LLGL2: variants seen among roughly 807,000 people sequenced by gnomAD.
LLGL2 encodes the protein LLGL2, scribble cell polarity complex component.
Under a neutral mutation model 123.2 loss-of-function variants are expected in LLGL2, and 81 were observed. The ratio of observed to expected loss-of-function variants is 0.66; its 90% CI spans 0.55 to 0.79. The LOEUF (loss-of-function observed/expected upper bound fraction) is 0.79. Ranked by LOEUF, LLGL2 falls within the 30% of genes least tolerant of loss-of-function variation. LLGL2 has a pLI of 0.00. For missense variants in LLGL2, 1,273 were observed against 1,414.6 expected (o/e 0.90, Z 1.61); for synonymous variants, 577 against 594.1 (o/e 0.97, Z 0.42).
At position 75,558,752 on chromosome 17, in the gene LLGL2, C is replaced by T; in HGVS notation, c.371+125C>T. On this transcript the variant is annotated intron_variant, in intron 5 of 25. Coordinates refer to ENST00000392550, the MANE Select transcript of LLGL2 (RefSeq NM_001031803.2). This position sits in a 1 kb window ranked among gnomAD's most constrained non-coding sequence, Gnocchi z 4.0. ...TGGCAGTGACTGGCATGCGTTTGGC[C>T]CGATGCATCGCCACACTCAGGTGCT... The T allele has an allele frequency of 1.3e-6, 1 of 755,360 alleles. No homozygotes were observed. Among genetic ancestry groups the T allele is most frequent in the Non-Finnish European group, 2.2e-6 (1 of 451,680 alleles). 46.8% of individuals were successfully genotyped at this position (755,360 alleles called of 1,614,324 possible). A position where few individuals can be genotyped will look rare whatever the true frequency, so the allele number is the denominator to read the frequency against.
chr17:75,575,158 G>A lies in LLGL2; in HGVS notation c.*280G>A. The A allele has an allele frequency of 1.8e-6, 1 of 568,754 alleles. No homozygotes were observed. The highest frequency in any genetic ancestry group is 3.1e-6 in the Non-Finnish European group (1 of 318,862). The allele number at this position is 568,754 out of a possible 1,614,324, so 35.2% of individuals were successfully genotyped here. On this transcript the variant is annotated 3_prime_UTR_variant, in exon 26 of 26. Coordinates refer to ENST00000392550, the MANE Select transcript of LLGL2 (RefSeq NM_001031803.2). ...GTGGGCTGGGTTTTAAGTTATAAAT[G>A]TTAACTGCCTCTGGGTGAAAAAGTT...
intron 1 of LLGL2, among the ~76,000 whole-genome samples, chr17:75,533,022 A>C (rs1052542485): frequency 5.3e-5 from 8 of 151,034 alleles, no homozygotes; most frequent in Non-Finnish European, 7.4e-5. Context: ...TCTTTTTTTG[A>C]GGAGTCTTGC....
In LLGL2 at chr17:75,558,858, C is replaced by A. The variant is rs1394129122; in HGVS notation, c.371+231C>A. ...CCATCCGCACCCCACCTCCTCCATC[C>A]GCACCCCGCCTCCTCCATCCGCACC... is the stretch of plus-strand genomic sequence containing the variant. On this transcript the variant is annotated intron_variant, in intron 5 of 25. Transcript: ENST00000392550. This position sits in a 1 kb window ranked among gnomAD's most constrained non-coding sequence, Gnocchi z 4.0. 1 of 270,592 alleles carries A rather than the reference C, an allele frequency of 3.7e-6. No individual in the cohort carries two copies. The highest frequency in any genetic ancestry group is 6.8e-6 in the Non-Finnish European group (1 of 147,652). The allele number at this position is 270,592 out of a possible 1,614,324, so 16.8% of individuals were successfully genotyped here.
intron 21 of LLGL2, 45 bp downstream of exon 21, chr17:75,573,676 C>G (rs1356710313): frequency 5.3e-6 from 8 of 1,509,120 alleles, no homozygotes; most frequent in Non-Finnish European, 7.1e-6. Context: ...CCCGCCCCTC[C>G]CTGCCCTCTC....
chr17:75,569,360 G>T (rs1316997553), intron 14 of LLGL2, 35 bp downstream of exon 14: 1 of 1,549,098 alleles, frequency 6.5e-7, no homozygotes. Context: ...GAGCTGGGGA[G>T]GAGTGGTCGA....
In LLGL2 at chr17:75,544,584, C is replaced by T. The variant is rs899532483; in HGVS notation, c.75+1083C>T. 1.1e-4 allele frequency among the ~76,000 whole-genome samples: 16 copies of T among 152,296 alleles called. No homozygotes were observed. The highest frequency in any genetic ancestry group is 4.1e-4 in the South Asian group (2 of 4,828). Reference sequence around the variant, plus strand: ...GCCCACACCATAGGCTTGTTAAGGGCGTACGTGGGGTGAGGTAACTTAAGT... The same window carrying T: ...GCCCACACCATAGGCTTGTTAAGGGTGTACGTGGGGTGAGGTAACTTAAGT... On this transcript the variant is annotated intron_variant, in intron 2 of 25. Transcript: ENST00000392550. The surrounding 1 kb of genome is among the most constrained non-coding windows in gnomAD (Gnocchi z 4.2).
intron 16 of LLGL2, among the ~76,000 whole-genome samples, chr17:75,570,704 T>G (rs35687632): frequency 0.14 from 21,421 of 152,254 alleles, 2,060 homozygotes; most frequent in Non-Finnish European, 0.22. Context: ...ACTGTAATGC[T>G]TATCCTAGAA....
intron 1 of LLGL2, among the ~76,000 whole-genome samples, chr17:75,534,450 G>T (rs1057238779): frequency 2.0e-5 from 3 of 152,222 alleles, no homozygotes; most frequent in African/African-American, 7.2e-5. Flanking sequence ...GGATTCTGCA[G>T]TCAGATTGGA....
At position 75,573,950 on chromosome 17, in the gene LLGL2, A is replaced by G; in HGVS notation, c.2877-2A>G. 1 of 1,550,714 alleles carries G rather than the reference A, an allele frequency of 6.4e-7. No individual in the cohort carries two copies. The highest frequency in any genetic ancestry group is 2.4e-5 in the East Asian group (1 of 40,892). ...TGGTCCTCACTGTCTCTTCCCCCAC[A>G]GGAACTCAGGGACTCAGAGTGATGG... On this transcript the variant is annotated splice_acceptor_variant, in intron 21 of 25. Coordinates refer to ENST00000392550, the MANE Select transcript of LLGL2 (RefSeq NM_001031803.2). LOFTEE classifies it high-confidence loss of function.
chr17:75,550,132 G>GCTC (rs2054599798), intron 2 of LLGL2, among the ~76,000 whole-genome samples: 1 of 152,234 alleles, frequency 6.6e-6, no homozygotes, highest in Admixed American at 6.5e-5. Context: ...AGGAGAGATA[G>GCTC]CTAGGGTCCT....
At chr17:75,548,273 T>C (rs4789210) in intron 2 of LLGL2, among the ~76,000 whole-genome samples, 126,543 of 149,408 alleles carry the variant, frequency 0.85, 54,055 homozygotes, top group Middle Eastern at 0.92. Flanking sequence ...GACAATTTTT[T>C]TTTTCCTTTT....
chr17:75,533,125 G>A (rs1428812164), intron 1 of LLGL2, among the ~76,000 whole-genome samples: 6 of 150,904 alleles, frequency 4.0e-5, no homozygotes, highest in East Asian at 3.9e-4. Context: ...TCAGCCTCCC[G>A]AGTAGCTGGG....
In LLGL2 at chr17:75,573,468, C is replaced by G. The variant is rs747727520; in HGVS notation, c.2726-13C>G. On this transcript the variant is annotated splice_polypyrimidine_tract_variant and intron_variant, in intron 20 of 25. Transcript: ENST00000392550. Reference sequence around the variant, plus strand: ...CGCCAGGCCAGGCCGCTAGCATTGCCCCCACTCCCCAGGCTTCTACCTGAT... The same window carrying G: ...CGCCAGGCCAGGCCGCTAGCATTGCGCCCACTCCCCAGGCTTCTACCTGAT... 25 of 1,598,282 alleles carry G rather than the reference C, an allele frequency of 1.6e-5. No homozygotes were observed. Among genetic ancestry groups the G allele is most frequent in the Non-Finnish European group, 2.1e-5 (25 of 1,167,796 alleles).
chr17:75,527,243 C>T (rs1046764771), intron 1 of LLGL2, among the ~76,000 whole-genome samples: 2 of 151,060 alleles, frequency 1.3e-5, no homozygotes, highest in African/African-American at 4.9e-5. Flanking sequence ...GAGAACTGTG[C>T]GAGAGATGTC....
Position 75,570,533 on chromosome 17 carries a change from A to C in LLGL2, c.2025+35A>C, listed in dbSNP as rs1456489273. The C allele has an allele frequency of 2.6e-6, 4 of 1,546,898 alleles. No homozygotes were observed. In the Admixed American group the frequency reaches 7.8e-5, roughly 30 times the overall value. On this transcript the variant is annotated intron_variant, in intron 16 of 25. Coordinates refer to ENST00000392550, the MANE Select transcript of LLGL2 (RefSeq NM_001031803.2). ...GAGGTGAGGCTGCGGCCGGCCACGCACCCAGGTTCGGCTCAGAGCAGCCAG... is the reference window on the plus strand; with the variant it reads ...GAGGTGAGGCTGCGGCCGGCCACGCCCCCAGGTTCGGCTCAGAGCAGCCAG...
rs2055829356 is a variant in LLGL2 at position 75,573,606 on chromosome 17, C to T, written c.2851C>T (p.Pro951Ser). 2 of 1,610,136 alleles carry T rather than the reference C, an allele frequency of 1.2e-6. No individual in the cohort carries two copies. Among genetic ancestry groups the T allele is most frequent in the African/African-American group, 1.3e-5 (1 of 74,900 alleles). The change falls in exon 21 of 26, where the codon CCC becomes TCC. Residue 951 changes from proline to serine, a missense_variant. Transcript: ENST00000392550. The part of the protein sequence containing the change: ...KNHRPGNGAG[P>S]KKAPSRARNS... ...CCACCGCCCTGGTAACGGTGCGGGCCCCAAGAAGGCCCCGAGCCGAGCCAG... is the reference window on the plus strand; with the variant it reads ...CCACCGCCCTGGTAACGGTGCGGGCTCCAAGAAGGCCCCGAGCCGAGCCAG...
chr17:75,531,360 C>T (rs1427320550), intron 1 of LLGL2, among the ~76,000 whole-genome samples: 1 of 152,148 alleles, frequency 6.6e-6, no homozygotes, highest in Non-Finnish European at 1.5e-5. Flanking sequence ...GGGAGCTATT[C>T]GGCCTTCCTG....
At chr17:75,540,715 C>T (rs1001590774) in intron 1 of LLGL2, among the ~76,000 whole-genome samples, 4 of 152,200 alleles carry the variant, frequency 2.6e-5, no homozygotes, top group Admixed American at 6.5e-5. Flanking sequence ...CGAGTTCTGC[C>T]GCTTCCTACT....
In LLGL2 at chr17:75,563,940, G is replaced by C. The variant is rs998199134; in HGVS notation, c.881+134G>C. On this transcript the variant is annotated intron_variant, in intron 9 of 25. Transcript: ENST00000392550. The stretch of plus-strand genomic sequence containing the variant: ...CCGTGTTGGGGTCTTGGACACCAGG[G>C]AGGGGAGACAGGGTAGACGCTATTC... 1.4e-5 allele frequency: 12 copies of C among 873,716 alleles called. No individual in the cohort carries two copies. The African/African-American group carries it at 2.0e-4, about 14-fold the overall frequency. The allele number at this position is 873,716 out of a possible 1,614,324, so 54.1% of individuals were successfully genotyped here.
Sources: gnomAD v4.1 joint callset for allele counts (sites outside exome capture counted in the v4.1 genomes callset) on GRCh38, gnomAD v4.1.1 for gene constraint, Gnocchi (gnomAD v3.1) non-coding constraint, MANE v1.5 for transcripts, NCBI Gene and HGNC (gene_info 2026-07-23, HGNC 2026-07-21) for gene names.